PPP1R9A: variants seen among roughly 807,000 people sequenced by gnomAD.
PPP1R9A encodes protein phosphatase 1 regulatory subunit 9A, also known as neurabin-1.
PPP1R9A carries 59 observed loss-of-function variants against 141.9 expected under a neutral mutation model. That is an observed-to-expected ratio of 0.42 (90% CI 0.34 to 0.52). The LOEUF (loss-of-function observed/expected upper bound fraction) is 0.52. Ranked by LOEUF, PPP1R9A falls within the 20% of genes least tolerant of loss-of-function variation. The pLI, the probability that PPP1R9A is intolerant of heterozygous loss-of-function variation, is 0.10. For synonymous variants in PPP1R9A, 500 were observed against 569.7 expected, an observed-to-expected ratio of 0.88 and a Z score of 1.74; for missense variants, 1,444 against 1,611.9, an observed-to-expected ratio of 0.90 and a Z score of 1.78.
At chr7:95,004,351 A>C (rs1584229001) in intron 2 of PPP1R9A, among the ~76,000 whole-genome samples, 1 of 152,130 alleles carries the variant, frequency 6.6e-6, no homozygotes. Context: ...AAGCTATTGG[A>C]AGGAGAGGAA....
intron 2 of PPP1R9A, among the ~76,000 whole-genome samples, chr7:94,948,709 G>T (rs1262542536): frequency 6.6e-6 from 1 of 152,078 alleles, no homozygotes; most frequent in Non-Finnish European, 1.5e-5. Flanking sequence ...TTTGCATCTT[G>T]TAACTTCTCT....
intron 2 of PPP1R9A, among the ~76,000 whole-genome samples, chr7:95,045,955 T>C (rs1439549286): frequency 1.3e-5 from 2 of 152,252 alleles, no homozygotes; most frequent in Non-Finnish European, 2.9e-5. Flanking sequence ...ATTAAACACA[T>C]ACCAGGCTAC....
intron 2 of PPP1R9A, among the ~76,000 whole-genome samples, chr7:94,968,739 C>T (rs1386249007): frequency 1.3e-5 from 2 of 152,024 alleles, no homozygotes; most frequent in Non-Finnish European, 2.9e-5. Context: ...GAGTGTTTTC[C>T]AGCTTGGTTC....
At chr7:95,039,229 C>T (rs941614984) in intron 2 of PPP1R9A, among the ~76,000 whole-genome samples, 7 of 152,058 alleles carry the variant, frequency 4.6e-5, no homozygotes, top group African/African-American at 1.4e-4. Flanking sequence ...AGACAACATG[C>T]AAGCACAGAT....
intron 4 of PPP1R9A, among the ~76,000 whole-genome samples, chr7:95,141,407 T>G (rs1261846767): frequency 6.6e-6 from 1 of 152,222 alleles, no homozygotes; most frequent in Non-Finnish European, 1.5e-5. Context: ...AGTGGTTTTG[T>G]GAATATTCAA....
At chr7:95,127,969 T>G (rs1455160585) in intron 4 of PPP1R9A, among the ~76,000 whole-genome samples, 1 of 152,244 alleles carries the variant, frequency 6.6e-6, no homozygotes, top group Non-Finnish European at 1.5e-5. Flanking sequence ...TTAATAGATT[T>G]GCAGTGAACA....
intron 4 of PPP1R9A, among the ~76,000 whole-genome samples, chr7:95,134,596 C>T (rs1825297000): frequency 2.6e-5 from 4 of 152,190 alleles, no homozygotes; most frequent in Admixed American, 2.0e-4. Flanking sequence ...CCACTACGCC[C>T]AGCTAGTTTT....
At chr7:95,050,800 G>A (rs983769502) in intron 2 of PPP1R9A, among the ~76,000 whole-genome samples, 4 of 152,022 alleles carry the variant, frequency 2.6e-5, no homozygotes, top group African/African-American at 9.7e-5. Context: ...TGAATTTAAG[G>A]CATTTTAATT....
chr7:95,065,160 G>T (rs1022639127), intron 2 of PPP1R9A, among the ~76,000 whole-genome samples: 1 of 151,998 alleles, frequency 6.6e-6, no homozygotes, highest in East Asian at 1.9e-4. Flanking sequence ...CGACCTCCTG[G>T]GCTCAAACAA....
intron 12 of PPP1R9A, among the ~76,000 whole-genome samples, chr7:95,263,467 C>A (rs1800744781): frequency 7.0e-6 from 1 of 143,716 alleles, no homozygotes; most frequent in South Asian, 2.2e-4. Flanking sequence ...CGGAGTCTTG[C>A]TCTGTCACCC....
At position 95,019,228 on chromosome 7, in the gene PPP1R9A, C is replaced by T. The variant is rs1159959310; in HGVS notation, c.1396-92031C>T. On this transcript the variant is annotated intron_variant, in intron 2 of 19. Coordinates refer to ENST00000433360, the MANE Select transcript of PPP1R9A (RefSeq NM_001166160.2). ...TGGCTAACATGGTGAAACTCCATCT[C>T]TACTGAAAGTACAAAAATTAGTTGG... 2.6e-5 allele frequency among the ~76,000 whole-genome samples: 4 copies of T among 152,132 alleles called. No individual in the cohort carries two copies. The East Asian group carries it at 7.7e-4, about 29-fold the overall frequency.
At chr7:95,036,841 C>T (rs1331263600) in intron 2 of PPP1R9A, 1 of 152,084 alleles carries the variant, frequency 6.6e-6, no homozygotes, top group African/African-American at 2.4e-5. Context: ...GGTAGGAGGG[C>T]AGATAAGAGA....
At chr7:94,966,367 G>A (rs1208113921) in intron 2 of PPP1R9A, among the ~76,000 whole-genome samples, 2 of 152,142 alleles carry the variant, frequency 1.3e-5, no homozygotes, top group Admixed American at 6.5e-5. Flanking sequence ...AATAGGAGTG[G>A]TGAGAGAGGG....
intron 19 of PPP1R9A, among the ~76,000 whole-genome samples, chr7:95,289,678 C>G (rs1412435513): frequency 6.6e-6 from 1 of 152,156 alleles, no homozygotes; most frequent in Non-Finnish European, 1.5e-5. Context: ...GAAAGGAAGC[C>G]ATTTCAATTC....
intron 2 of PPP1R9A, among the ~76,000 whole-genome samples, chr7:94,992,865 A>C (rs1169098294): frequency 6.6e-6 from 1 of 152,098 alleles, no homozygotes; most frequent in African/African-American, 2.4e-5. Context: ...GAATATAAGT[A>C]ATATATTTAT....
intron 7 of PPP1R9A, among the ~76,000 whole-genome samples, chr7:95,214,969 C>CT (rs1000366259): frequency 7.0e-4 from 105 of 150,796 alleles, no homozygotes; most frequent in African/African-American, 2.3e-3. Flanking sequence ...AGGAAATATT[C>CT]TTTTTTTTTA....
chr7:95,212,000 A>G (rs1304819632), intron 7 of PPP1R9A, among the ~76,000 whole-genome samples: 2 of 152,142 alleles, frequency 1.3e-5, no homozygotes, highest in African/African-American at 4.8e-5. Context: ...TAATCAATCA[A>G]TTAAAAAAAA....
At chr7:95,078,120 T>C in intron 2 of PPP1R9A, among the ~76,000 whole-genome samples, 1 of 116,818 alleles carries the variant, frequency 8.6e-6, no homozygotes, top group African/African-American at 3.3e-5. Context: ...CCTAAAGCTA[T>C]CCCTCCCCCC....
chr7:95,192,819 T>A (rs867774849), intron 5 of PPP1R9A, among the ~76,000 whole-genome samples: 28 of 152,254 alleles, frequency 1.8e-4, no homozygotes, highest in African/African-American at 6.0e-4. Context: ...ATAATAACCT[T>A]ACTTTAAATT....
Sources: allele counts gnomAD v4.1 joint callset (sites outside exome capture counted in the v4.1 genomes callset), GRCh38; gene constraint gnomAD v4.1.1; transcripts MANE v1.5; gene names NCBI Gene and HGNC (gene_info 2026-07-23, HGNC 2026-07-21).